The following ABCB10 variants were observed in gnomAD, a reference collection of about 807,000 sequenced individuals.
ABCB10 encodes the protein ATP binding cassette subfamily B member 10, also known as ATP-binding cassette sub-family B member 10, mitochondrial.
In ABCB10, 54 loss-of-function variants were observed where a neutral mutation model predicts 65.4. That is an observed-to-expected ratio of 0.83 (90% CI 0.66 to 1.04). The LOEUF is 1.04. ABCB10 is among the 50% of genes least tolerant of loss of function. The probability of loss-of-function intolerance (pLI) is 0.00; values close to 1 mark genes in which losing one functional copy is unlikely to be tolerated. For missense variants in ABCB10, 846 were observed against 976.6 expected (o/e 0.87, Z 1.78); for synonymous variants, 418 against 406.5 (o/e 1.03, Z -0.34).
chr1:229,558,314 G>A lies in ABCB10; in HGVS notation c.339C>T (p.Leu113=), dbSNP rs1350802937. 14 of 1,242,908 alleles carry A rather than the reference G, an allele frequency of 1.1e-5. No individual in the cohort carries two copies. In the South Asian group the frequency reaches 1.7e-4, roughly 15 times the overall value. 77.0% of individuals were successfully genotyped at this position (1,242,908 alleles called of 1,614,324 possible). ...GACCGCCCGGGAACCGGGCGCGCGG[G>A]AGCCGAGGAGCGCCTGGCCCGGCAA... ...GAFAGPGAPR[L]PRARFPGGPA... Residue 113 remains leucine, a synonymous_variant, in exon 1 of 13, where the codon CTC becomes CTT. Transcript: ENST00000344517.
chr1:229,554,029 G>A (rs934995284), intron 1 of ABCB10, among the ~76,000 whole-genome samples: 3 of 152,236 alleles, frequency 2.0e-5, no homozygotes, highest in Non-Finnish European at 4.4e-5. Context: ...GGTTCGCACT[G>A]CAGTCTCTCT....
At position 229,518,343 on chromosome 1, in the gene ABCB10, C is replaced by G; in HGVS notation, c.2053G>C (p.Val685Leu). The G allele has an allele frequency of 6.2e-7, 1 of 1,614,168 alleles. No individual in the cohort carries two copies. The highest frequency in any genetic ancestry group is 8.5e-7 in the Non-Finnish European group (1 of 1,180,042). ...ALDRLMDGRT[V>L]LVIAHRLSTI... ...GACAGACGATGGGCAATAACTAACACCGTTCTTCCATCCATCAGTCGATCT... is the reference window on the plus strand; with the variant it reads ...GACAGACGATGGGCAATAACTAACAGCGTTCTTCCATCCATCAGTCGATCT... Residue 685 changes from valine to leucine, a missense_variant, in exon 13 of 13, where the codon GTG (valine) becomes CTG (leucine). Val to Leu is a conservative substitution (Grantham distance 32, BLOSUM62 1). Transcript: ENST00000344517.
chr1:229,531,410 C>T (rs1662580560), intron 7 of ABCB10, among the ~76,000 whole-genome samples: 2 of 152,132 alleles, frequency 1.3e-5, no homozygotes, highest in South Asian at 4.1e-4. Context: ...CACTATGTGG[C>T]CAGCCCATGC....
intron 6 of ABCB10, among the ~76,000 whole-genome samples, chr1:229,537,968 T>C (rs1571968692): frequency 6.6e-6 from 1 of 152,306 alleles, no homozygotes; most frequent in East Asian, 1.9e-4. Flanking sequence ...TGGCAACAGA[T>C]GTACACTGAC....
chr1:229,557,715 T>A (rs781545691), intron 1 of ABCB10, among the ~76,000 whole-genome samples: 22 of 151,668 alleles, frequency 1.5e-4, no homozygotes, highest in Non-Finnish European at 2.1e-4. Context: ...TTGAAGCAAA[T>A]AATGTGTTTT....
At chr1:229,530,540 A>G in intron 7 of ABCB10, 132 bp from the exon 8 acceptor site, 1 of 907,182 alleles carries the variant, frequency 1.1e-6, no homozygotes, top group Non-Finnish European at 1.7e-6. Context: ...GAGCTCTTAA[A>G]GGGCAAGTCA....
intron 6 of ABCB10, among the ~76,000 whole-genome samples, chr1:229,536,330 A>C (rs536697705): frequency 6.6e-6 from 1 of 151,442 alleles, no homozygotes; most frequent in East Asian, 2.0e-4. Context: ...ACATAGCAAG[A>C]CCCTGTCTCT....
intron 6 of ABCB10, among the ~76,000 whole-genome samples, chr1:229,532,269 A>G (rs1320951425): frequency 6.6e-6 from 1 of 152,164 alleles, no homozygotes; most frequent in Non-Finnish European, 1.5e-5. Flanking sequence ...CTGATTTCTA[A>G]TAAGGACTTA....
chr1:229,544,099 C>T (rs535207497), intron 3 of ABCB10, among the ~76,000 whole-genome samples: 1 of 152,288 alleles, frequency 6.6e-6, no homozygotes, highest in African/African-American at 2.4e-5. Context: ...AGGGTGCTGG[C>T]ACCATAATGA....
intron 3 of ABCB10, among the ~76,000 whole-genome samples, chr1:229,546,740 C>G (rs1662976271): frequency 6.6e-6 from 1 of 151,694 alleles, no homozygotes; most frequent in African/African-American, 2.4e-5. Context: ...TTAAATTAGC[C>G]AGACTTGGTG....
chr1:229,527,325 GAAAGGAA>G lies in ABCB10; in HGVS notation c.1646-24_1646-18del. 3 of 1,607,834 alleles carry G rather than the reference GAAAGGAA, an allele frequency of 1.9e-6. No homozygotes were observed. The highest frequency in any genetic ancestry group is 2.6e-6 in the Non-Finnish European group (3 of 1,175,176). On this transcript the variant is annotated intron_variant, in intron 8 of 12. Transcript: ENST00000344517. ...TAATAGTTCCTTGTTGAGAGGAAAG[GAAAGGAA>G]AGAGTCACTGAGTGTGATGAGGCTG...
intron 4 of ABCB10, among the ~76,000 whole-genome samples, chr1:229,541,244 G>C (rs1173380115): frequency 2.6e-5 from 4 of 151,008 alleles, no homozygotes; most frequent in Admixed American, 6.6e-5. Flanking sequence ...TTTTTTTTCT[G>C]GAGCGGAGTT....
chr1:229,552,079 G>C (rs1051103512), intron 1 of ABCB10, among the ~76,000 whole-genome samples: 2 of 152,164 alleles, frequency 1.3e-5, no homozygotes, highest in Non-Finnish European at 2.9e-5. Context: ...AAGTAATTTA[G>C]CTGAATCCAA....
chr1:229,530,131 C>G, intron 8 of ABCB10, 68 bp downstream of exon 8: 1 of 1,506,752 alleles, frequency 6.6e-7, no homozygotes, highest in Non-Finnish European at 9.2e-7. Context: ...TGAGCATCTC[C>G]TAGGGCGCAA....
chr1:229,519,970 A>AC (rs887858801), intron 11 of ABCB10, among the ~76,000 whole-genome samples: 5 of 151,260 alleles, frequency 3.3e-5, no homozygotes, highest in Non-Finnish European at 7.4e-5. Flanking sequence ...TACCAAAAAA[A>AC]TTTTTTTTTA....
intron 1 of ABCB10, among the ~76,000 whole-genome samples, chr1:229,550,907 A>G (rs942501532): frequency 2.6e-5 from 4 of 152,050 alleles, no homozygotes; most frequent in African/African-American, 4.8e-5. Flanking sequence ...TAGTAACAAC[A>G]CATATCACAG....
intron 9 of ABCB10, among the ~76,000 whole-genome samples, chr1:229,526,441 G>T (rs1280537097): frequency 6.6e-6 from 1 of 152,186 alleles, no homozygotes; most frequent in Non-Finnish European, 1.5e-5. Context: ...ATTACTTTTT[G>T]AAATACACAC....
chr1:229,555,241 C>T (rs1663218267), intron 1 of ABCB10, among the ~76,000 whole-genome samples: 1 of 152,246 alleles, frequency 6.6e-6, no homozygotes, highest in African/African-American at 2.4e-5. Context: ...CAGGTCAGAG[C>T]CTCATCTATC....
At chr1:229,537,134 G>C (rs1662740673) in intron 6 of ABCB10, among the ~76,000 whole-genome samples, 2 of 152,222 alleles carry the variant, frequency 1.3e-5, no homozygotes, top group South Asian at 4.1e-4. Context: ...GTTGCCAGGA[G>C]CTGGCAGGAG....
Sources: allele counts gnomAD v4.1 joint callset (sites outside exome capture counted in the v4.1 genomes callset), GRCh38; gene constraint gnomAD v4.1.1; transcripts MANE v1.5; gene names NCBI Gene and HGNC (gene_info 2026-07-23, HGNC 2026-07-21).